The following ADGRF5 variants were observed in gnomAD, a reference collection of about 807,000 sequenced individuals.
The protein encoded by ADGRF5 is adhesion G protein-coupled receptor F5.
A neutral mutation model predicts 132.3 loss-of-function variants in ADGRF5; 75 were observed. The ratio of observed to expected loss-of-function variants is 0.57; its 90% CI spans 0.47 to 0.69. ADGRF5 has a LOEUF of 0.69. Among genes scored for constraint, ADGRF5 ranks in the 30% least tolerant of loss-of-function variants. The pLI is 0.00. For synonymous variants in ADGRF5, 629 were observed against 597.6 expected, an observed-to-expected ratio of 1.05 and a Z score of -0.77; for missense variants, 1,516 against 1,630.6, an observed-to-expected ratio of 0.93 and a Z score of 1.21.
At chr6:46,860,937 A>C in intron 15 of ADGRF5, 43 bp from the exon 16 acceptor site, 1 of 1,491,188 alleles carries the variant, frequency 6.7e-7, no homozygotes, top group Non-Finnish European at 9.2e-7. Flanking sequence ...TTACCAATCA[A>C]TTCAGCTATC....
At chr6:46,924,387 A>G (rs571787558), upstream of ADGRF5, among the ~76,000 whole-genome samples, 1 of 152,352 alleles carries the variant, frequency 6.6e-6, no homozygotes, top group East Asian at 1.9e-4. Context: ...AGCTCGTATT[A>G]CAGTGCTGGT....
intron 10 of ADGRF5, among the ~76,000 whole-genome samples, chr6:46,876,248 A>G (rs1198397166): frequency 6.6e-6 from 1 of 152,244 alleles, no homozygotes; most frequent in Non-Finnish European, 1.5e-5. Context: ...GCCAGCCCTG[A>G]GGCAGGAAAT....
intron 3 of ADGRF5, among the ~76,000 whole-genome samples, chr6:46,892,765 A>G (rs1328518990): frequency 1.1e-4 from 16 of 152,254 alleles, no homozygotes. Flanking sequence ...AAGAAAAGAA[A>G]AAGTTCACAT....
intron 20 of ADGRF5, among the ~76,000 whole-genome samples, chr6:46,854,506 G>A (rs1490089198): frequency 6.6e-6 from 1 of 152,120 alleles, no homozygotes; most frequent in African/African-American, 2.4e-5. Context: ...AAAAGGGAAA[G>A]GAAAGAGAAA....
At chr6:46,912,581 T>C (rs1776047321) in intron 1 of ADGRF5, among the ~76,000 whole-genome samples, 1 of 151,838 alleles carries the variant, frequency 6.6e-6, no homozygotes, top group African/African-American at 2.4e-5. Context: ...AGGGAGGCAA[T>C]AGAGAGTAGA....
chr6:46,896,858 A>G (rs1774235453), intron 3 of ADGRF5, among the ~76,000 whole-genome samples: 2 of 152,116 alleles, frequency 1.3e-5, no homozygotes, highest in African/African-American at 4.8e-5. Flanking sequence ...TCATGTCACT[A>G]TGACTTAAAA....
chr6:46,866,046 G>A (rs600470), intron 13 of ADGRF5, among the ~76,000 whole-genome samples: 126,955 of 152,138 alleles, frequency 0.83, 54,834 homozygotes, highest in East Asian at 0.99. Flanking sequence ...CTTAATCTCT[G>A]GGAATCCCTA....
At chr6:46,889,756 A>T (rs1005133821) in intron 3 of ADGRF5, among the ~76,000 whole-genome samples, 1 of 126,736 alleles carries the variant, frequency 7.9e-6, no homozygotes, top group Non-Finnish European at 1.7e-5. Flanking sequence ...TATAAACACT[A>T]TATATAATAT....
In ADGRF5 at chr6:46,949,218, T is replaced by C. The variant is rs139068110; in HGVS notation, c.-25+5516A>G. Among the ~76,000 whole-genome samples, 1,354 of 152,282 alleles carry C rather than the reference T, an allele frequency of 8.9e-3. 14 individuals are homozygous for C. The highest frequency in any genetic ancestry group is 0.031 in the African/African-American group (1,277 of 41,550). On this transcript the variant is annotated intron_variant, in intron 1 of 20. Transcript: ENST00000265417. ...CTGTTTCTGTTGAAAGGACTGCTGCTTTCTTCCCCCAGGATCTCAAAGTGA... is the reference window on the plus strand; with the variant it reads ...CTGTTTCTGTTGAAAGGACTGCTGCCTTCTTCCCCCAGGATCTCAAAGTGA...
chr6:46,922,614 A>T (rs1437489062), upstream of ADGRF5, among the ~76,000 whole-genome samples: 6 of 152,192 alleles, frequency 3.9e-5, no homozygotes, highest in Non-Finnish European at 2.9e-5. Flanking sequence ...GACCTCACTG[A>T]TCCTCATTTT....
intron 14 of ADGRF5, among the ~76,000 whole-genome samples, chr6:46,863,536 A>G (rs1447982321): frequency 6.6e-6 from 1 of 152,022 alleles, no homozygotes; most frequent in Non-Finnish European, 1.5e-5. Context: ...GCTAGTAGGA[A>G]CTCTAGGTAC....
intron 2 of ADGRF5, among the ~76,000 whole-genome samples, chr6:46,905,745 A>G (rs746619689): frequency 7.4e-6 from 1 of 134,918 alleles, no homozygotes; most frequent in Non-Finnish European, 1.5e-5. Context: ...TCTAACAACA[A>G]TGACTGACAA....
chr6:46,953,474 T>C (rs1394038937), intron 1 of ADGRF5, among the ~76,000 whole-genome samples: 1 of 151,258 alleles, frequency 6.6e-6, no homozygotes, highest in Non-Finnish European at 1.5e-5. Context: ...ATACAAAACA[T>C]AGCTGGGCGT....
chr6:46,867,378 C>A (rs1422667118), intron 12 of ADGRF5, among the ~76,000 whole-genome samples: 3 of 152,158 alleles, frequency 2.0e-5, no homozygotes, highest in Non-Finnish European at 2.9e-5. Flanking sequence ...AATTAAGTGG[C>A]TTATTCAAGG....
chr6:46,883,890 T>C (rs1284291092), intron 5 of ADGRF5, among the ~76,000 whole-genome samples: 1 of 152,150 alleles, frequency 6.6e-6, no homozygotes, highest in Non-Finnish European at 1.5e-5. Flanking sequence ...TACAGGCATG[T>C]GCCACCACAT....
intron 1 of ADGRF5, among the ~76,000 whole-genome samples, chr6:46,937,249 TGTGA>T (rs1554129545): frequency 1.0e-3 from 153 of 151,646 alleles, no homozygotes; most frequent in African/African-American, 1.9e-3. Flanking sequence ...TGTGTGTGTG[TGTGA>T]GTGTGTGTGT....
chr6:46,871,763 T>TA, intron 11 of ADGRF5, 80 bp downstream of exon 11: 1 of 992,716 alleles, frequency 1.0e-6, no homozygotes, highest in South Asian at 2.0e-5. Flanking sequence ...CATAGATATT[T>TA]CCATAGCTCA....
At position 46,879,936 on chromosome 6, in the gene ADGRF5, A is replaced by G. The variant is rs1425773046; in HGVS notation, c.918T>C (p.Tyr306=). 3.1e-6 allele frequency: 5 copies of G among 1,613,920 alleles called. No individual in the cohort carries two copies. Among genetic ancestry groups the G allele is most frequent in the Non-Finnish European group, 4.2e-6 (5 of 1,179,890 alleles). The change falls in exon 9 of 21, where the codon TAT becomes TAC. Residue 306 remains tyrosine, a synonymous_variant. Coordinates refer to ENST00000283296, the MANE Select transcript of ADGRF5 (RefSeq NM_001098518.2). Reference sequence around the variant, plus strand: ...TCTGGATTTCCAACTGCTGTTCTTCATAGCGCCAAGACACATTGGAGGACA... The same window carrying G: ...TCTGGATTTCCAACTGCTGTTCTTCGTAGCGCCAAGACACATTGGAGGACA... ...EVLSSNVSWR[Y]EEQQLEIQNS...
At chr6:46,937,728 G>A (rs768951184) in intron 1 of ADGRF5, among the ~76,000 whole-genome samples, 2 of 152,142 alleles carry the variant, frequency 1.3e-5, no homozygotes, top group Non-Finnish European at 2.9e-5. Context: ...GTGCTTTGGG[G>A]CGATTATTAA....
Sources: gnomAD v4.1 joint callset for allele counts (sites outside exome capture counted in the v4.1 genomes callset) on GRCh38, gnomAD v4.1.1 for gene constraint, MANE v1.5 for transcripts, NCBI Gene and HGNC (gene_info 2026-07-23, HGNC 2026-07-21) for gene names.